Variants in KIZ observed in about 807,000 individuals in gnomAD.
The protein encoded by KIZ is kizuna centrosomal protein, also known as centrosomal protein kizuna.
In KIZ, 68 loss-of-function variants were observed where a neutral mutation model predicts 79.6. That is an observed-to-expected ratio of 0.85 (90% CI 0.70 to 1.05). The LOEUF is 1.05. Ranked by LOEUF, KIZ falls within the 50% of genes least tolerant of loss-of-function variation. The probability of loss-of-function intolerance (pLI) is 0.00; values close to 1 mark genes in which losing one functional copy is unlikely to be tolerated. For missense variants in KIZ, 797 were observed against 800.4 expected, an observed-to-expected ratio of 1.00 and a Z score of 0.05; for synonymous variants, 280 against 281.8, an observed-to-expected ratio of 0.99 and a Z score of 0.06.
At chr20:21,145,676 C>T (rs1232124402) in intron 4 of KIZ, 22 bp downstream of exon 4, 2 of 1,093,842 alleles carry the variant, frequency 1.8e-6, no homozygotes, top group Non-Finnish European at 2.6e-6. Flanking sequence ...AATTGGTAAC[C>T]TTTCTGTTAA....
intron 8 of KIZ, 73 bp downstream of exon 8, chr20:21,214,773 C>A: frequency 1.1e-6 from 1 of 945,090 alleles, no homozygotes. Context: ...CAAGGTACAC[C>A]TATAGAATAT....
intron 1 of KIZ, among the ~76,000 whole-genome samples, chr20:21,131,388 C>T (rs542042740): frequency 9.2e-5 from 14 of 152,300 alleles, no homozygotes; most frequent in Non-Finnish European, 1.8e-4. Context: ...AAAGAAATCC[C>T]TCCAAATTTG....
At chr20:21,174,678 G>A (rs2034360429) in intron 6 of KIZ, among the ~76,000 whole-genome samples, 1 of 152,118 alleles carries the variant, frequency 6.6e-6, no homozygotes, top group Admixed American at 6.6e-5. Context: ...GTCTCCTCCT[G>A]GAGTGTGACT....
chr20:21,134,763 T>TTCTACCTCTGTTACAGTTACTTGCG (rs2032077278), intron 2 of KIZ, among the ~76,000 whole-genome samples: 1 of 150,374 alleles, frequency 6.7e-6, no homozygotes, highest in Non-Finnish European at 1.5e-5. Context: ...GCCTCCCGGG[T>TTCTACCTCTGTTACAGTTACTTGCG]TCAAGCAATT....
At chr20:21,182,345 C>T (rs2034689135) in intron 6 of KIZ, among the ~76,000 whole-genome samples, 1 of 152,190 alleles carries the variant, frequency 6.6e-6, no homozygotes, top group African/African-American at 2.4e-5. Context: ...CAGAAAGAGA[C>T]TCTCTTCTTG....
intron 6 of KIZ, among the ~76,000 whole-genome samples, chr20:21,173,393 C>CA (rs201221923): frequency 0.02 from 3,037 of 151,752 alleles, 104 homozygotes; most frequent in African/African-American, 0.068. Flanking sequence ...GCCTGGCCAA[C>CA]ATGGTGAAAC....
In KIZ at chr20:21,149,643, G is replaced by T. The variant is rs2033017040; in HGVS notation, c.405+3989G>T. On this transcript the variant is annotated intron_variant, in intron 4 of 12. Transcript: ENST00000619189. The stretch of plus-strand genomic sequence containing the variant: ...TGCAGGAGAGGCACACGTCAGAGAA[G>T]ACAGCACCCCAGTATGAGATGATGG... Among the ~76,000 whole-genome samples, 3 of 152,194 alleles carry T rather than the reference G, an allele frequency of 2.0e-5. No homozygotes were observed. The South Asian group carries it at 6.2e-4, about 31-fold the overall frequency.
intron 9 of KIZ, chr20:21,218,061 G>T (rs973482953): frequency 1.3e-5 from 2 of 152,212 alleles, no homozygotes; most frequent in African/African-American, 4.8e-5. Flanking sequence ...CTGCAAGACA[G>T]TGCTTCCCAA....
At chr20:21,232,007 C>A (rs1356384483) in intron 10 of KIZ, among the ~76,000 whole-genome samples, 1 of 152,142 alleles carries the variant, frequency 6.6e-6, no homozygotes, top group Non-Finnish European at 1.5e-5. Flanking sequence ...AGGCAGGTTA[C>A]AGGTTAGAAA....
At chr20:21,212,377 G>A (rs2036104203) in intron 7 of KIZ, among the ~76,000 whole-genome samples, 1 of 152,128 alleles carries the variant, frequency 6.6e-6, no homozygotes, top group Non-Finnish European at 1.5e-5. Context: ...AAAGTGTTAG[G>A]CATTCAGTGG....
chr20:21,169,331 T>C (rs4815027), intron 6 of KIZ, among the ~76,000 whole-genome samples: 86,180 of 150,088 alleles, frequency 0.57, 26,358 homozygotes, highest in South Asian at 0.78. Context: ...TGAAAAAATG[T>C]TCATCATCAC....
chr20:21,144,983 T>C (rs2032769122), intron 3 of KIZ, among the ~76,000 whole-genome samples: 1 of 152,156 alleles, frequency 6.6e-6, no homozygotes, highest in Non-Finnish European at 1.5e-5. Context: ...CAGACATCTT[T>C]ATGTAGTTAT....
At chr20:21,161,125 A>G (rs1392046296) in intron 4 of KIZ, among the ~76,000 whole-genome samples, 4 of 152,150 alleles carry the variant, frequency 2.6e-5, no homozygotes, top group Non-Finnish European at 5.9e-5. Flanking sequence ...GGCCATTCAT[A>G]TATCTTCTTT....
At chr20:21,167,357 G>A (rs1447699807) in intron 6 of KIZ, among the ~76,000 whole-genome samples, 2 of 152,166 alleles carry the variant, frequency 1.3e-5, no homozygotes, top group Non-Finnish European at 2.9e-5. Context: ...TGGTAACAAA[G>A]TAGCTGAGTG....
chr20:21,181,219 G>A (rs184420051), intron 6 of KIZ, among the ~76,000 whole-genome samples: 12 of 152,314 alleles, frequency 7.9e-5, no homozygotes, highest in Admixed American at 7.2e-4. Context: ...AGGGGATGCA[G>A]TCAGGGTCTG....
At position 21,199,299 on chromosome 20, in the gene KIZ, A is replaced by G. The variant is rs529935127; in HGVS notation, c.1353-6192A>G. 8.5e-5 allele frequency among the ~76,000 whole-genome samples: 13 copies of G among 152,360 alleles called. No individual in the cohort carries two copies. The South Asian group carries it at 2.7e-3, about 32-fold the overall frequency. On this transcript the variant is annotated intron_variant, in intron 6 of 12. Transcript: ENST00000619189. ...ACAGTTATGTGTAAATCAGTCTTCC[A>G]TAAGAAATGATCCTTCTTTATGACC...
chr20:21,236,672 G>A (rs898223839), intron 11 of KIZ, among the ~76,000 whole-genome samples: 16 of 152,092 alleles, frequency 1.1e-4, no homozygotes, highest in Non-Finnish European at 2.4e-4. Flanking sequence ...TTGTTAATGG[G>A]CCATGGCTAT....
At chr20:21,163,232 G>A in intron 6 of KIZ, 73 bp downstream of exon 6, 1 of 1,031,312 alleles carries the variant, frequency 9.7e-7, no homozygotes, top group South Asian at 1.5e-5. Context: ...ATTCCACTGG[G>A]AATGTATTAT....
chr20:21,130,145 G>A (rs138672438), intron 1 of KIZ, among the ~76,000 whole-genome samples: 4 of 152,150 alleles, frequency 2.6e-5, no homozygotes, highest in Non-Finnish European at 5.9e-5. Flanking sequence ...TGCAAACCGC[G>A]GTTGCATTTG....
Sources: allele counts gnomAD v4.1 joint callset (sites outside exome capture counted in the v4.1 genomes callset), GRCh38; gene constraint gnomAD v4.1.1; transcripts MANE v1.5; gene names NCBI Gene and HGNC (gene_info 2026-07-23, HGNC 2026-07-21).